Variants in LRP1B observed in about 807,000 individuals in gnomAD.
The protein encoded by LRP1B is low-density lipoprotein receptor-related protein 1B.
Under a neutral mutation model 556.6 loss-of-function variants are expected in LRP1B, and 217 were observed. The observed-to-expected ratio is 0.39, with a 90% CI of 0.35 to 0.44. The LOEUF (loss-of-function observed/expected upper bound fraction) is 0.44, where lower values mean the gene tolerates loss of function less well. Ranked by LOEUF, LRP1B falls within the 20% of genes least tolerant of loss-of-function variation. The probability of loss-of-function intolerance (pLI) is 1.00; values close to 1 mark genes in which losing one functional copy is unlikely to be tolerated. For synonymous variants in LRP1B, 2,047 were observed against 1,865.8 expected, an observed-to-expected ratio of 1.10 and a Z score of -2.50; for missense variants, 5,053 against 5,620.8, an observed-to-expected ratio of 0.90 and a Z score of 3.23.
chr2:141,162,092 T>A (rs1321581107), intron 7 of LRP1B, among the ~76,000 whole-genome samples: 1 of 152,116 alleles, frequency 6.6e-6, no homozygotes, highest in Non-Finnish European at 1.5e-5. Flanking sequence ...TGTCTCTCCC[T>A]TATAACAGTA....
At chr2:140,959,001 G>T (rs1695956235) in intron 18 of LRP1B, among the ~76,000 whole-genome samples, 1 of 150,328 alleles carries the variant, frequency 6.7e-6, no homozygotes, top group Non-Finnish European at 1.5e-5. Flanking sequence ...GAGAAGGACA[G>T]CAGTGTTCAG....
At chr2:141,997,077 C>G (rs527807353) in intron 1 of LRP1B, among the ~76,000 whole-genome samples, 39 of 152,010 alleles carry the variant, frequency 2.6e-4, no homozygotes, top group Non-Finnish European at 5.4e-4. Context: ...ACCAAGTGGG[C>G]TTAGAAAACT....
At chr2:141,583,589 CTA>C (rs1452089094) in intron 2 of LRP1B, among the ~76,000 whole-genome samples, 29 of 151,592 alleles carry the variant, frequency 1.9e-4, no homozygotes, top group Admixed American at 1.8e-3. Context: ...CCTAAAAACA[CTA>C]TGTTTTCTTT....
intron 41 of LRP1B, among the ~76,000 whole-genome samples, chr2:140,652,576 C>T (rs1412052450): frequency 6.6e-6 from 1 of 151,866 alleles, no homozygotes; most frequent in Non-Finnish European, 1.5e-5. Context: ...GACTTCACAC[C>T]CCTCTATAGG....
rs988160765 is a variant in LRP1B, at chr2:141,995,259, C to T, written c.82+135389G>A. On this transcript the variant is annotated intron_variant, in intron 1 of 90. Coordinates refer to ENST00000389484, the MANE Select transcript of LRP1B (RefSeq NM_018557.3). ...GTGTCTGCAGTGCTAGTTCCTCCTA[C>T]GGGAAAATGTTTCCTTGCCTTTTCC... 1.2e-4 allele frequency among the ~76,000 whole-genome samples: 19 copies of T among 152,224 alleles called. No homozygotes were observed. The East Asian group carries it at 1.5e-3, about 12-fold the overall frequency.
rs560863908 is a variant in LRP1B at position 140,583,557 on chromosome 2, T to C, written c.7194+15074A>G. Reference sequence around the variant, plus strand: ...CTTTACTTATATTATTTATATTTTCTCTGTTTTTATTTCTTAACATTTCAT... The same window carrying C: ...CTTTACTTATATTATTTATATTTTCCCTGTTTTTATTTCTTAACATTTCAT... On this transcript the variant is annotated intron_variant, in intron 43 of 90. Coordinates refer to ENST00000389484, the MANE Select transcript of LRP1B (RefSeq NM_018557.3). Among the ~76,000 whole-genome samples, 4 of 152,184 alleles carry C rather than the reference T, an allele frequency of 2.6e-5. No homozygotes were observed. In the East Asian group the frequency reaches 7.7e-4, roughly 29 times the overall value.
At chr2:140,279,151 C>G (rs1682813187) in intron 84 of LRP1B, among the ~76,000 whole-genome samples, 1 of 151,942 alleles carries the variant, frequency 6.6e-6, no homozygotes, top group African/African-American at 2.4e-5. Flanking sequence ...ATTTCCCACT[C>G]CAAGACTCCT....
intron 43 of LRP1B, among the ~76,000 whole-genome samples, chr2:140,556,825 T>G (rs1680752100): frequency 6.6e-6 from 1 of 152,018 alleles, no homozygotes; most frequent in Admixed American, 6.6e-5. Context: ...TACTTTACTA[T>G]AGAATTAAAT....
intron 7 of LRP1B, among the ~76,000 whole-genome samples, chr2:141,139,912 T>G (rs183904851): frequency 1.3e-5 from 2 of 152,030 alleles, no homozygotes; most frequent in East Asian, 3.9e-4. Context: ...TTATAGCATC[T>G]TTATTATAAT....
chr2:141,805,392 A>G (rs955058853), intron 2 of LRP1B: 3 of 152,130 alleles, frequency 2.0e-5, no homozygotes, highest in Non-Finnish European at 4.4e-5. Context: ...CACTGTTTCT[A>G]TAACATGCAG....
At chr2:140,810,061 T>C (rs1374567604) in intron 32 of LRP1B, among the ~76,000 whole-genome samples, 1 of 152,208 alleles carries the variant, frequency 6.6e-6, no homozygotes, top group Admixed American at 6.5e-5. Context: ...ATGAAACATA[T>C]CTTGGTTTAC....
chr2:141,497,581 G>A (rs757843220), intron 2 of LRP1B, among the ~76,000 whole-genome samples: 3 of 152,030 alleles, frequency 2.0e-5, no homozygotes, highest in Admixed American at 6.6e-5. Flanking sequence ...GAAATCAGGC[G>A]ATGATAGAAA....
chr2:142,068,645 TA>T (rs1705195968), intron 1 of LRP1B, among the ~76,000 whole-genome samples: 1 of 151,488 alleles, frequency 6.6e-6, no homozygotes, highest in Non-Finnish European at 1.5e-5. Flanking sequence ...GGTTTCTCAA[TA>T]TGTTTTATTT....
intron 66 of LRP1B, among the ~76,000 whole-genome samples, chr2:140,393,896 G>A (rs1473483444): frequency 1.3e-5 from 2 of 152,112 alleles, no homozygotes; most frequent in East Asian, 3.9e-4. Context: ...TTATAGAGAA[G>A]TCATTATTTT....
chr2:141,134,012 C>T (rs1701427399), intron 7 of LRP1B, among the ~76,000 whole-genome samples: 1 of 151,884 alleles, frequency 6.6e-6, no homozygotes, highest in Admixed American at 6.6e-5. Flanking sequence ...GAGAGAGGGA[C>T]TTGATCTCTT....
At chr2:141,079,396 G>A (rs1311118828) in intron 7 of LRP1B, among the ~76,000 whole-genome samples, 1 of 152,210 alleles carries the variant, frequency 6.6e-6, no homozygotes, top group Non-Finnish European at 1.5e-5. Context: ...GAGAGACTGT[G>A]AAAGGTTAAT....
At position 140,851,731 on chromosome 2, in the gene LRP1B, A is replaced by G; in HGVS notation, c.4632T>C (p.Cys1544=). The G allele has an allele frequency of 6.2e-7, 1 of 1,609,634 alleles. No individual in the cohort carries two copies. The highest frequency in any genetic ancestry group is 1.7e-5 in the Admixed American group (1 of 58,710). Residue 1544 remains cysteine (C), a synonymous_variant, in exon 28 of 91, where the codon TGT becomes TGC. Coordinates refer to ENST00000389484, the MANE Select transcript of LRP1B (RefSeq NM_018557.3). ...NDGKGPCSHM[C]LINHNRSAAC... ...CAGCACTCCTATTGTGATTGATTAG[A>G]CACATGTGAGAGCAGGGGCCTTTGC...
intron 1 of LRP1B, among the ~76,000 whole-genome samples, chr2:142,054,268 C>A (rs1325500814): frequency 1.3e-5 from 2 of 151,956 alleles, no homozygotes; most frequent in Non-Finnish European, 2.9e-5. Context: ...AAAATAAAAA[C>A]TATAATAGTG....
rs967246277 is a variant in LRP1B at position 141,071,070 on chromosome 2, C to G, written c.1014-8797G>C. Among the ~76,000 whole-genome samples, 28 of 152,000 alleles carry G rather than the reference C, an allele frequency of 1.8e-4. No homozygotes were observed. In the East Asian group the frequency reaches 4.7e-3, roughly 25 times the overall value. ...ACAACCAAAAAAGAGAATTTTAGAC[C>G]AATATCCTTGATGAACATTGATGCA... On this transcript the variant is annotated intron_variant, in intron 7 of 90. Transcript: ENST00000389484.
Sources: allele counts gnomAD v4.1 joint callset (sites outside exome capture counted in the v4.1 genomes callset), GRCh38; gene constraint gnomAD v4.1.1; transcripts MANE v1.5; gene names NCBI Gene and HGNC (gene_info 2026-07-23, HGNC 2026-07-21).